AHCYL2: variants seen among roughly 807,000 people sequenced by gnomAD.
AHCYL2 encodes S-adenosylhomocysteine hydrolase-like protein 2.
Under a neutral mutation model 81.4 loss-of-function variants are expected in AHCYL2, and 28 were observed. The observed-to-expected ratio is 0.34, with a 90% confidence interval of 0.25 to 0.47. The LOEUF (loss-of-function observed/expected upper bound fraction) is 0.47. Among genes scored for constraint, AHCYL2 ranks in the 20% least tolerant of loss-of-function variants. The probability of loss-of-function intolerance (pLI) is 1.00; values close to 1 mark genes in which losing one functional copy is unlikely to be tolerated. For missense variants in AHCYL2, 551 were observed against 785.1 expected (o/e 0.70, Z 3.56); for synonymous variants, 272 against 290.2 (o/e 0.94, Z 0.64).
intron 1 of AHCYL2, chr7:129,375,782 C>G (rs889902207): frequency 2.3e-5 from 35 of 1,522,170 alleles, no homozygotes; most frequent in Non-Finnish European, 3.0e-5. Flanking sequence ...GAACCAGAGC[C>G]AACAGAATTG....
intron 1 of AHCYL2, chr7:129,375,847 G>T: frequency 6.5e-7 from 1 of 1,535,820 alleles, no homozygotes; most frequent in East Asian, 2.4e-5. Context: ...CACAGAGGTG[G>T]CAGTGGGGCT....
intron 5 of AHCYL2, among the ~76,000 whole-genome samples, chr7:129,398,031 C>T (rs971066107): frequency 3.3e-5 from 5 of 152,046 alleles, no homozygotes; most frequent in African/African-American, 9.7e-5. Context: ...AAAGTAGAAA[C>T]GGAGTCTTGC....
intron 1 of AHCYL2, among the ~76,000 whole-genome samples, chr7:129,266,742 T>G (rs1375553964): frequency 6.6e-6 from 1 of 152,184 alleles, no homozygotes; most frequent in Non-Finnish European, 1.5e-5. Context: ...TAAAATATAT[T>G]ACATACCTTT....
intron 2 of AHCYL2, among the ~76,000 whole-genome samples, chr7:129,384,104 TA>T (rs1178492888): frequency 1.3e-5 from 2 of 152,060 alleles, no homozygotes; most frequent in African/African-American, 4.8e-5. Context: ...CACATAAATA[TA>T]TACAATTTTT....
intron 4 of AHCYL2, among the ~76,000 whole-genome samples, chr7:129,395,028 C>T (rs555112184): frequency 6.6e-6 from 1 of 151,104 alleles, no homozygotes; most frequent in African/African-American, 2.4e-5. Flanking sequence ...TTTTGTATGT[C>T]CTGACATTTT....
At chr7:129,347,786 A>G (rs775162379) in intron 1 of AHCYL2, among the ~76,000 whole-genome samples, 7 of 152,188 alleles carry the variant, frequency 4.6e-5, no homozygotes, top group Non-Finnish European at 7.4e-5. Flanking sequence ...AACCCCCACA[A>G]TTAAAAGGCG....
chr7:129,344,088 C>T (rs1194425336), intron 1 of AHCYL2, among the ~76,000 whole-genome samples: 1 of 152,106 alleles, frequency 6.6e-6, no homozygotes, highest in South Asian at 2.1e-4. Context: ...ATACTGCACA[C>T]CTGCTAGAAT....
chr7:129,330,843 T>C (rs1798394352), intron 1 of AHCYL2, among the ~76,000 whole-genome samples: 1 of 152,224 alleles, frequency 6.6e-6, no homozygotes, highest in African/African-American at 2.4e-5. Context: ...TTTTAAAAAT[T>C]ATGTTATGAA....
At chr7:129,270,672 G>T (rs1584726807) in intron 1 of AHCYL2, among the ~76,000 whole-genome samples, 1 of 152,302 alleles carries the variant, frequency 6.6e-6, no homozygotes, top group East Asian at 1.9e-4. Context: ...AAGAGACTTA[G>T]TTTTAACAAC....
intron 1 of AHCYL2, among the ~76,000 whole-genome samples, chr7:129,234,280 T>C (rs757537004): frequency 1.1e-4 from 16 of 152,100 alleles, no homozygotes; most frequent in Non-Finnish European, 2.4e-4. Context: ...AGCCTTACTC[T>C]GTCACCCAGG....
intron 1 of AHCYL2, among the ~76,000 whole-genome samples, chr7:129,373,795 C>A (rs567895892): frequency 1.9e-4 from 29 of 152,222 alleles, no homozygotes; most frequent in African/African-American, 7.0e-4. Context: ...TTAGTACATG[C>A]GGACTGGGGT....
intron 1 of AHCYL2, among the ~76,000 whole-genome samples, chr7:129,354,918 A>G (rs895144881): frequency 4.6e-5 from 7 of 152,200 alleles, no homozygotes; most frequent in African/African-American, 1.7e-4. Context: ...ACAGCAGCAC[A>G]GTCAGTCCTC....
chr7:129,235,934 A>G (rs952411147), intron 1 of AHCYL2, among the ~76,000 whole-genome samples: 2 of 150,788 alleles, frequency 1.3e-5, no homozygotes, highest in African/African-American at 4.9e-5. Context: ...TGCAGTAACT[A>G]TCTGTATGCA....
At chr7:129,306,260 G>T (rs183547667) in intron 1 of AHCYL2, among the ~76,000 whole-genome samples, 1 of 152,016 alleles carries the variant, frequency 6.6e-6, no homozygotes, top group African/African-American at 2.4e-5. Flanking sequence ...GATCTTGTCG[G>T]TGTGCTTTAT....
At chr7:129,416,169 A>G (rs1389341003) in intron 12 of AHCYL2, among the ~76,000 whole-genome samples, 1 of 152,180 alleles carries the variant, frequency 6.6e-6, no homozygotes, top group African/African-American at 2.4e-5. Flanking sequence ...ACTTCAAATC[A>G]TGATGGTAAT....
Position 129,295,481 on chromosome 7 carries a change from A to T in AHCYL2, c.363+70042A>T, listed in dbSNP as rs368747746. 1.2e-4 allele frequency among the ~76,000 whole-genome samples: 19 copies of T among 152,320 alleles called. No individual in the cohort carries two copies. The East Asian group carries it at 2.5e-3, about 20-fold the overall frequency. Reference sequence around the variant, plus strand: ...GAAGCCTAGACTCTGAAAGCTGAAAAAATAGGCAGTAGGAGACCATTGTAT... The same window carrying T: ...GAAGCCTAGACTCTGAAAGCTGAAATAATAGGCAGTAGGAGACCATTGTAT... On this transcript the variant is annotated intron_variant, in intron 1 of 16. Transcript: ENST00000325006.
At chr7:129,295,760 G>A (rs1797031601) in intron 1 of AHCYL2, among the ~76,000 whole-genome samples, 3 of 152,152 alleles carry the variant, frequency 2.0e-5, no homozygotes, top group Admixed American at 2.0e-4. Context: ...GAAACTACAG[G>A]CATCCTCAGA....
At chr7:129,259,512 T>C (rs779309450) in intron 1 of AHCYL2, among the ~76,000 whole-genome samples, 1 of 152,200 alleles carries the variant, frequency 6.6e-6, no homozygotes, top group Non-Finnish European at 1.5e-5. Context: ...ACTGAAGTAA[T>C]TACCAAATGA....
Position 129,413,699 on chromosome 7 carries a change from G to A in AHCYL2, c.1461+11G>A. The stretch of plus-strand genomic sequence containing the variant: ...ACAGAGATTGACGTGGTAAGATCAA[G>A]TAGCTCATTATTGGGGGCTTTTTTC... On this transcript the variant is annotated intron_variant, in intron 12 of 16. Transcript: ENST00000325006. The A allele has an allele frequency of 6.2e-7, 1 of 1,611,620 alleles. No homozygotes were observed. Among genetic ancestry groups the A allele is most frequent in the Non-Finnish European group, 8.5e-7 (1 of 1,177,948 alleles).
Sources: allele counts gnomAD v4.1 joint callset (sites outside exome capture counted in the v4.1 genomes callset), GRCh38; gene constraint gnomAD v4.1.1; transcripts MANE v1.5; gene names NCBI Gene and HGNC (gene_info 2026-07-23, HGNC 2026-07-21).